Variants in UFL1 observed in about 807,000 individuals in gnomAD.
UFL1 encodes the protein E3 UFM1-protein ligase 1.
Under a neutral mutation model 99.3 loss-of-function variants are expected in UFL1, and 78 were observed. The ratio of observed to expected loss-of-function variants is 0.79; its 90% CI spans 0.65 to 0.95. UFL1 has a LOEUF of 0.95. Ranked by LOEUF, UFL1 falls within the 40% of genes least tolerant of loss-of-function variation. The pLI, the probability that UFL1 is intolerant of heterozygous loss-of-function variation, is 0.00. For synonymous variants in UFL1, 335 were observed against 322.2 expected (o/e 1.04, Z -0.42); for missense variants, 936 against 937.0 (o/e 1.00, Z 0.01).
At chr6:96,543,141 C>T (rs1769954287) in intron 12 of UFL1, 125 bp downstream of exon 12, 1 of 1,146,194 alleles carries the variant, frequency 8.7e-7, no homozygotes. Context: ...GTTTCAGTGA[C>T]ACAAATTTCA....
chr6:96,538,915 C>A, intron 10 of UFL1, 105 bp downstream of exon 10: 1 of 999,434 alleles, frequency 1.0e-6, no homozygotes, highest in African/African-American at 1.6e-5. Context: ...CACTTTGTAT[C>A]ATTTATTATT....
At chr6:96,537,593 T>TGAGGGG in intron 9 of UFL1, 44 bp downstream of exon 9, 4 of 1,473,440 alleles carry the variant, frequency 2.7e-6, no homozygotes, top group Non-Finnish European at 3.6e-6. Context: ...CAGTGACAAC[T>TGAGGGG]GATATTTTAC....
chr6:96,538,555 A>G (rs1047671621), intron 9 of UFL1, 76 bp from the exon 10 acceptor site: 1 of 1,353,912 alleles, frequency 7.4e-7, no homozygotes, highest in Non-Finnish European at 1.0e-6. Flanking sequence ...TAGAGAGAGC[A>G]TATATGTATA....
At position 96,537,517 on chromosome 6, in the gene UFL1, G is replaced by A. The variant is rs1769870671; in HGVS notation, c.946G>A (p.Ala316Thr). The A allele has an allele frequency of 6.2e-7, 1 of 1,604,988 alleles. No individual in the cohort carries two copies. The highest frequency in any genetic ancestry group is 1.3e-5 in the African/African-American group (1 of 74,196). The change falls in exon 9 of 19, where the codon GCC becomes ACC. Residue 316 changes from alanine (A) to threonine (T), a missense_variant. Ala to Thr is a moderately conservative substitution (Grantham distance 58, BLOSUM62 0). Transcript: ENST00000369278. Reference protein sequence around the residue: ...VDQVEASVEEAISSGTWVDIA... With the variant: ...VDQVEASVEETISSGTWVDIA... ...TCAAGTGGAAGCATCAGTAGAAGAA[G>A]CCATCAGCTCTGGAACATGGGTTGA...
intron 9 of UFL1, among the ~76,000 whole-genome samples, chr6:96,538,023 A>C (rs1246372528): frequency 6.6e-6 from 1 of 151,808 alleles, no homozygotes; most frequent in East Asian, 1.9e-4. Context: ...AACGAGGCCA[A>C]TCCATTATTT....
At position 96,537,402 on chromosome 6, in the gene UFL1, C is replaced by A. The variant is rs372179410; in HGVS notation, c.831C>A (p.Ile277=). The change falls in exon 9 of 19, where the codon ATC becomes ATA. Residue 277 remains isoleucine, a synonymous_variant. Coordinates refer to ENST00000369278, the MANE Select transcript of UFL1 (RefSeq NM_015323.5). Reference sequence around the variant, plus strand: ...TTGATGCTTTGTCCAGACTTGGAATCCCAGATGCTGTAAGCTACATAAAGA... The same window carrying A: ...TTGATGCTTTGTCCAGACTTGGAATACCAGATGCTGTAAGCTACATAAAGA... ...LEFDALSRLG[I]PDAVSYIKKR... is the part of the protein sequence containing the mutation. 5.9e-5 allele frequency: 93 copies of A among 1,586,316 alleles called. No individual in the cohort carries two copies. The highest frequency in any genetic ancestry group is 2.3e-5 in the East Asian group (1 of 43,624).
intron 1 of UFL1, 81 bp downstream of exon 1, chr6:96,522,031 G>A (rs941571087): frequency 1.4e-6 from 2 of 1,448,268 alleles, no homozygotes; most frequent in Non-Finnish European, 1.9e-6. Context: ...TTAGACCCGC[G>A]GCCCTGCATC....
intron 6 of UFL1, among the ~76,000 whole-genome samples, chr6:96,532,756 C>T (rs1202087138): frequency 6.6e-6 from 1 of 152,120 alleles, no homozygotes; most frequent in Non-Finnish European, 1.5e-5. Flanking sequence ...TTTCCAGTCA[C>T]CAGAATCATG....
intron 15 of UFL1, 73 bp downstream of exon 15, chr6:96,549,872 T>C (rs551126195): frequency 4.0e-5 from 62 of 1,539,922 alleles, no homozygotes; most frequent in Non-Finnish European, 5.2e-5. Flanking sequence ...TTTATCTTAT[T>C]TGGAGTAAAG....
Position 96,537,538 on chromosome 6 carries a change from G to GT in UFL1, c.969dup (p.Asp324Ter). ...AGAAGCCATCAGCTCTGGAACATGG[G>GT]TTGATATTGCAGTATGTTTTATCTT... On this transcript the variant is annotated frameshift_variant, in exon 9 of 19. Transcript: ENST00000369278. LOFTEE classifies it high-confidence loss of function. 1 of 1,589,588 alleles carries GT rather than the reference G, an allele frequency of 6.3e-7. No homozygotes were observed. The highest frequency in any genetic ancestry group is 8.5e-7 in the Non-Finnish European group (1 of 1,171,448).
At position 96,549,809 on chromosome 6, in the gene UFL1, T is replaced by A; in HGVS notation, c.1818+10T>A. The A allele has an allele frequency of 6.2e-7, 1 of 1,610,858 alleles. No homozygotes were observed. The highest frequency in any genetic ancestry group is 8.5e-7 in the Non-Finnish European group (1 of 1,177,990). ...AGCCATTACAAGTGAAGTATGTTAA[T>A]GATCTCCCTACCACTATTGATGTGT... On this transcript the variant is annotated intron_variant, in intron 15 of 18. Coordinates refer to ENST00000369278, the MANE Select transcript of UFL1 (RefSeq NM_015323.5).
In UFL1 at chr6:96,524,494, G is replaced by T. The variant is rs190505018; in HGVS notation, c.252+84G>T. On this transcript the variant is annotated intron_variant, in intron 3 of 18. Coordinates refer to ENST00000369278, the MANE Select transcript of UFL1 (RefSeq NM_015323.5). ...TTTGTTCAAGTATTCACTAATGCTG[G>T]TATCATATTTTGTGTAGTGTTTATA... is the stretch of plus-strand genomic sequence containing the variant. The T allele has an allele frequency of 4.8e-6, 5 of 1,043,832 alleles. No homozygotes were observed. In the East Asian group the frequency reaches 1.1e-4, roughly 23 times the overall value. 64.7% of individuals were successfully genotyped at this position (1,043,832 alleles called of 1,614,324 possible).
chr6:96,551,710 C>A, intron 16 of UFL1, 128 bp from the exon 17 acceptor site: 1 of 753,018 alleles, frequency 1.3e-6, no homozygotes, highest in Non-Finnish European at 2.1e-6. Context: ...CAATTTCTAA[C>A]TTAATGAGAA....
chr6:96,535,181 T>C (rs1252578235), intron 7 of UFL1, among the ~76,000 whole-genome samples: 5 of 151,962 alleles, frequency 3.3e-5, no homozygotes, highest in Non-Finnish European at 7.4e-5. Flanking sequence ...AATCCGGACT[T>C]TTTTGATGTA....
rs201564605 is a variant in UFL1 at position 96,552,086 on chromosome 6, ATAGT to A, written c.1985+167_1985+170del. Among the ~76,000 whole-genome samples, 1,038 of 152,156 alleles carry A rather than the reference ATAGT, an allele frequency of 6.8e-3. 8 individuals are homozygous for A. The highest frequency in any genetic ancestry group is 0.023 in the African/African-American group (973 of 41,536). ...CTTCAAGAATATTCAAAGTCTTAAA[ATAGT>A]TAGATATTTCTCTCTGACCCTCTGG... On this transcript the variant is annotated intron_variant, in intron 17 of 18. Coordinates refer to ENST00000369278, the MANE Select transcript of UFL1 (RefSeq NM_015323.5).
At chr6:96,536,668 T>A (rs1000558548) in intron 8 of UFL1, among the ~76,000 whole-genome samples, 1 of 151,800 alleles carries the variant, frequency 6.6e-6, no homozygotes, top group Non-Finnish European at 1.5e-5. Flanking sequence ...ACAATTATAA[T>A]GTAAAAAGAC....
At chr6:96,522,978 GT>G (rs5878434) in intron 1 of UFL1, 167 bp from the exon 2 acceptor site, 162 of 498,516 alleles carry the variant, frequency 3.2e-4, no homozygotes, top group African/African-American at 1.3e-3. Flanking sequence ...ACTCTGAAAG[GT>G]TTTTTTTTAA....
At position 96,554,833 on chromosome 6, in the gene UFL1, A is replaced by ATAT. The variant is rs1224308023; in HGVS notation, c.*1332_*1334dup. 2 of 152,524 alleles carry ATAT rather than the reference A, an allele frequency of 1.3e-5. No individual in the cohort carries two copies. The highest frequency in any genetic ancestry group is 2.4e-5 in the African/African-American group (1 of 41,430). The allele number at this position is 152,524 out of a possible 1,614,324, so 9.4% of individuals were successfully genotyped here. A position where few individuals can be genotyped will look rare whatever the true frequency, so the allele number is the denominator to read the frequency against. On this transcript the variant is annotated 3_prime_UTR_variant, in exon 19 of 19. Coordinates refer to ENST00000369278, the MANE Select transcript of UFL1 (RefSeq NM_015323.5). ...TTTCCCGTGGGTAATTTTCTATTAT[A>ATAT]TATTTTCATATGGGCAAAGGGAAAA... is the stretch of plus-strand genomic sequence containing the variant.
At chr6:96,538,319 C>T (rs552890947) in intron 9 of UFL1, among the ~76,000 whole-genome samples, 1 of 151,838 alleles carries the variant, frequency 6.6e-6, no homozygotes, top group South Asian at 2.1e-4. Context: ...ATCAGGACAT[C>T]CTGGTGGACT....
Sources: allele counts gnomAD v4.1 joint callset (sites outside exome capture counted in the v4.1 genomes callset), GRCh38; gene constraint gnomAD v4.1.1; transcripts MANE v1.5; gene names NCBI Gene and HGNC (gene_info 2026-07-23, HGNC 2026-07-21).